Variants in MPHOSPH6 observed in about 807,000 individuals in gnomAD.
The protein encoded by MPHOSPH6 is M-phase phosphoprotein 6.
A neutral mutation model predicts 21.8 loss-of-function variants in MPHOSPH6; 25 were observed. The ratio of observed to expected loss-of-function variants is 1.15; its 90% CI spans 0.83 to 1.60. The LOEUF (loss-of-function observed/expected upper bound fraction) is 1.60. Among genes scored for constraint, MPHOSPH6 ranks in the 40% most tolerant of loss-of-function variants. The probability of loss-of-function intolerance (pLI) is 0.00; values close to 1 mark genes in which losing one functional copy is unlikely to be tolerated. For missense variants in MPHOSPH6, 269 were observed against 181.8 expected, an observed-to-expected ratio of 1.48 and a Z score of -2.76; for synonymous variants, 84 against 56.5, an observed-to-expected ratio of 1.49 and a Z score of -2.18.
chr16:82,160,942 C>T (rs1906587804), intron 2 of MPHOSPH6, among the ~76,000 whole-genome samples: 1 of 141,622 alleles, frequency 7.1e-6, no homozygotes, highest in South Asian at 2.4e-4. Context: ...GCCCTCCCTA[C>T]ACTCAGAGGA....
chr16:82,158,147 CA>C (rs1310560247), intron 2 of MPHOSPH6, among the ~76,000 whole-genome samples: 1 of 152,000 alleles, frequency 6.6e-6, no homozygotes, highest in East Asian at 1.9e-4. Context: ...TCTTAGCCCT[CA>C]ATTACTTTAA....
intron 1 of MPHOSPH6, among the ~76,000 whole-genome samples, chr16:82,168,812 G>A (rs1004600527): frequency 1.3e-5 from 2 of 152,058 alleles, no homozygotes; most frequent in East Asian, 1.9e-4. Flanking sequence ...CCCTCTTTTG[G>A]AAATTCCACC....
intron 2 of MPHOSPH6, among the ~76,000 whole-genome samples, chr16:82,158,918 C>A (rs576131080): frequency 6.6e-6 from 1 of 152,042 alleles, no homozygotes. Context: ...ATGACAGATG[C>A]AGGATGTTAA....
chr16:82,168,249 T>C (rs73591498), intron 1 of MPHOSPH6, among the ~76,000 whole-genome samples: 3 of 152,090 alleles, frequency 2.0e-5, no homozygotes, highest in African/African-American at 7.2e-5. Flanking sequence ...TTCCAATATC[T>C]GCTTGGCCAA....
chr16:82,160,618 G>A (rs564499611), intron 2 of MPHOSPH6, among the ~76,000 whole-genome samples: 5 of 152,284 alleles, frequency 3.3e-5, no homozygotes, highest in Admixed American at 1.3e-4. Flanking sequence ...GTTATCCAAG[G>A]TTCCAGTTTT....
chr16:82,153,189 G>A (rs1215812036), intron 2 of MPHOSPH6, among the ~76,000 whole-genome samples: 10 of 152,102 alleles, frequency 6.6e-5, no homozygotes, highest in African/African-American at 2.2e-4. Flanking sequence ...TAGAAAGAGG[G>A]GCCAAATAAT....
At chr16:82,163,463 C>G (rs1342066849) in intron 2 of MPHOSPH6, among the ~76,000 whole-genome samples, 2 of 152,250 alleles carry the variant, frequency 1.3e-5, no homozygotes, top group Non-Finnish European at 2.9e-5. Context: ...TCAGCACTGA[C>G]TAGCTGGGTG....
intron 1 of MPHOSPH6, among the ~76,000 whole-genome samples, chr16:82,166,005 T>C (rs993519636): frequency 2.0e-5 from 3 of 152,232 alleles, no homozygotes; most frequent in African/African-American, 7.2e-5. Context: ...GGCAGTTTCT[T>C]AGCAAACTAA....
At chr16:82,161,337 G>T (rs113044014) in intron 2 of MPHOSPH6, among the ~76,000 whole-genome samples, 3 of 152,170 alleles carry the variant, frequency 2.0e-5, no homozygotes, top group Non-Finnish European at 4.4e-5. Context: ...AAGTGTGGCA[G>T]GCTAACTTGT....
chr16:82,149,698 C>G (rs74739909), intron 3 of MPHOSPH6, among the ~76,000 whole-genome samples: 34 of 152,130 alleles, frequency 2.2e-4, no homozygotes, highest in Non-Finnish European at 4.3e-4. Context: ...ATACTGCTGA[C>G]ACATTCCGGT....
Position 82,149,403 on chromosome 16 carries a change from T to C in MPHOSPH6, c.256A>G (p.Lys86Glu), listed in dbSNP as rs141649954. ...TTAGCATTCATCTGAAGCATCAATT[T>C]CTGAAAAATACACCAGTGCTGACCT... ...SFRGFNPEVE[K>E]LMLQMNAKHK... Residue 86 changes from lysine (K) to glutamate (E), a missense_variant and splice_region_variant, in exon 4 of 5, where the codon AAA becomes GAA. Lys to Glu is a moderately conservative substitution (Grantham distance 56). Transcript: ENST00000258169. 2.5e-5 allele frequency: 40 copies of C among 1,611,300 alleles called. No individual in the cohort carries two copies. The highest frequency in any genetic ancestry group is 3.4e-5 in the Non-Finnish European group (40 of 1,179,936).
intron 1 of MPHOSPH6, among the ~76,000 whole-genome samples, chr16:82,167,929 C>T (rs1475223945): frequency 6.6e-6 from 1 of 152,130 alleles, no homozygotes; most frequent in South Asian, 2.1e-4. Context: ...GGTTAAGGCA[C>T]CCTAAGTGCA....
intron 2 of MPHOSPH6, among the ~76,000 whole-genome samples, chr16:82,155,403 A>C (rs1331022439): frequency 6.6e-6 from 1 of 152,230 alleles, no homozygotes; most frequent in Non-Finnish European, 1.5e-5. Context: ...ATGCATGTAA[A>C]CAATCTTAAG....
At chr16:82,169,673 T>G (rs1012737455) in intron 1 of MPHOSPH6, among the ~76,000 whole-genome samples, 1 of 152,254 alleles carries the variant, frequency 6.6e-6, no homozygotes, top group Non-Finnish European at 1.5e-5. Flanking sequence ...CTTGAACTCA[T>G]GTAGCCTAAT....
chr16:82,154,698 C>T (rs968312930), intron 2 of MPHOSPH6, among the ~76,000 whole-genome samples: 3 of 151,520 alleles, frequency 2.0e-5, no homozygotes, highest in Admixed American at 6.6e-5. Flanking sequence ...AAAAAAACTG[C>T]AGTGAAAAAC....
intron 2 of MPHOSPH6, among the ~76,000 whole-genome samples, chr16:82,153,664 T>A (rs897098950): frequency 2.0e-5 from 3 of 152,242 alleles, no homozygotes; most frequent in Non-Finnish European, 4.4e-5. Context: ...CCTTGAATCT[T>A]TGGCTGACCA....
intron 1 of MPHOSPH6, among the ~76,000 whole-genome samples, chr16:82,168,928 G>C (rs571756115): frequency 4.6e-5 from 7 of 152,310 alleles, no homozygotes; most frequent in Middle Eastern, 3.4e-3. Flanking sequence ...TCTGGAGCCA[G>C]ACTGCCTGAA....
In MPHOSPH6 at chr16:82,165,114, C is replaced by CTTTTTTTTTTTTTTTTTT. The variant is rs1418457856; in HGVS notation, c.52-921_52-920insAAAAAAAAAAAAAAAAAA. Among the ~76,000 whole-genome samples the CTTTTTTTTTTTTTTTTTT allele has an allele frequency of 5.5e-4, 35 of 63,936 alleles. 7 individuals are homozygous for CTTTTTTTTTTTTTTTTTT. Among genetic ancestry groups the CTTTTTTTTTTTTTTTTTT allele is most frequent in the South Asian group, 2.6e-3 (5 of 1,936 alleles). 41.9% of individuals were successfully genotyped at this position (63,936 alleles called of 152,430 possible). ...TTTCCCTTATTCAGGTCCGATATTTCTTTTTTATTTTTTTTTTTATTTTTT... is the reference window on the plus strand; with the variant it reads ...TTTCCCTTATTCAGGTCCGATATTTCTTTTTTTTTTTTTTTTTTTTTTTTATTTTTTTTTTTATTTTTT... On this transcript the variant is annotated intron_variant, in intron 1 of 4. Transcript: ENST00000258169.
At chr16:82,149,624 G>A (rs1273724918) in intron 3 of MPHOSPH6, among the ~76,000 whole-genome samples, 1 of 152,132 alleles carries the variant, frequency 6.6e-6, no homozygotes, top group African/African-American at 2.4e-5. Flanking sequence ...TTATACTTAG[G>A]GTGAATTTAA....
Sources: gnomAD v4.1 joint callset for allele counts (sites outside exome capture counted in the v4.1 genomes callset) on GRCh38, gnomAD v4.1.1 for gene constraint, MANE v1.5 for transcripts, NCBI Gene and HGNC (gene_info 2026-07-23, HGNC 2026-07-21) for gene names.